The following ZDHHC14 variants were observed in gnomAD, a reference collection of about 807,000 sequenced individuals.
ZDHHC14 encodes the protein zDHHC palmitoyltransferase 14, also known as palmitoyltransferase ZDHHC14.
In ZDHHC14, 16 loss-of-function variants were observed where a neutral mutation model predicts 47.7. The observed-to-expected ratio is 0.34, with a 90% CI of 0.23 to 0.51. The LOEUF (loss-of-function observed/expected upper bound fraction) is 0.51. ZDHHC14 is among the 20% of genes least tolerant of loss of function. ZDHHC14 has a pLI of 0.97. For missense variants in ZDHHC14, 515 were observed against 662.5 expected, an observed-to-expected ratio of 0.78 and a Z score of 2.44; for synonymous variants, 293 against 278.9, an observed-to-expected ratio of 1.05 and a Z score of -0.50.
At chr6:157,643,056 C>T (rs1484645363) in intron 5 of ZDHHC14, among the ~76,000 whole-genome samples, 1 of 152,262 alleles carries the variant, frequency 6.6e-6, no homozygotes, top group South Asian at 2.1e-4. Context: ...AAGCAAATTA[C>T]TTCATTGCTT....
intron 8 of ZDHHC14, among the ~76,000 whole-genome samples, chr6:157,668,040 A>G (rs528274407): frequency 2.0e-5 from 3 of 152,278 alleles, no homozygotes; most frequent in South Asian, 2.1e-4. Flanking sequence ...GTGTGCCCCA[A>G]CTGAGATTTG....
intron 5 of ZDHHC14, among the ~76,000 whole-genome samples, chr6:157,634,270 T>C (rs150797191): frequency 6.6e-6 from 1 of 152,238 alleles, no homozygotes; most frequent in East Asian, 1.9e-4. Flanking sequence ...ATAAGGAAGA[T>C]GTACAAAGGG....
At chr6:157,532,220 C>G (rs1328805682) in intron 1 of ZDHHC14, among the ~76,000 whole-genome samples, 1 of 152,212 alleles carries the variant, frequency 6.6e-6, no homozygotes, top group African/African-American at 2.4e-5. Flanking sequence ...AGTGTGCAAT[C>G]TGAAACAAGG....
At chr6:157,406,189 T>C (rs927142242) in intron 1 of ZDHHC14, among the ~76,000 whole-genome samples, 8 of 152,008 alleles carry the variant, frequency 5.3e-5, no homozygotes, top group Non-Finnish European at 1.2e-4. Flanking sequence ...GAAGCTGCAG[T>C]TGGGGAGGGA....
chr6:157,414,821 C>CTTTT (rs71027333), intron 1 of ZDHHC14, among the ~76,000 whole-genome samples: 17 of 111,926 alleles, frequency 1.5e-4, no homozygotes, highest in African/African-American at 4.8e-4. Context: ...AGGTTTGCAG[C>CTTTT]TTTTTTTTTT....
chr6:157,583,340 T>C (rs989662423), intron 2 of ZDHHC14, among the ~76,000 whole-genome samples: 1 of 152,178 alleles, frequency 6.6e-6, no homozygotes, highest in African/African-American at 2.4e-5. Flanking sequence ...CTCATCTGTG[T>C]GGGCTGGTGG....
chr6:157,626,828 C>T (rs566438356), intron 3 of ZDHHC14, among the ~76,000 whole-genome samples: 1 of 151,864 alleles, frequency 6.6e-6, no homozygotes, highest in East Asian at 2.0e-4. Context: ...ACACCCGATA[C>T]ACCTGTGCAG....
intron 2 of ZDHHC14, among the ~76,000 whole-genome samples, chr6:157,545,469 GATC>G: frequency 6.6e-6 from 1 of 152,174 alleles, no homozygotes; most frequent in South Asian, 2.1e-4. Flanking sequence ...GAGGTCAGGA[GATC>G]GAGATCATCC....
At chr6:157,656,719 CAA>C (rs35815142) in intron 8 of ZDHHC14, among the ~76,000 whole-genome samples, 11 of 106,420 alleles carry the variant, frequency 1.0e-4, no homozygotes, top group African/African-American at 3.7e-4. Flanking sequence ...AAAAAAAAAA[CAA>C]AAAAAAAAAA....
chr6:157,522,767 T>C (rs1239826729), intron 1 of ZDHHC14, among the ~76,000 whole-genome samples: 1 of 51,874 alleles, frequency 1.9e-5, no homozygotes, highest in Non-Finnish European at 3.4e-5. Context: ...CTCCCTCCCT[T>C]CTTTCCTCCA....
At chr6:157,625,116 C>A (rs1035735212) in intron 3 of ZDHHC14, among the ~76,000 whole-genome samples, 2 of 152,170 alleles carry the variant, frequency 1.3e-5, no homozygotes, top group African/African-American at 4.8e-5. Context: ...CTTCAATGCC[C>A]CACCTCTCAA....
chr6:157,509,168 C>T (rs1225409043), intron 1 of ZDHHC14, among the ~76,000 whole-genome samples: 1 of 152,146 alleles, frequency 6.6e-6, no homozygotes, highest in Non-Finnish European at 1.5e-5. Flanking sequence ...TCCAACACCC[C>T]TCTACGCCCT....
chr6:157,533,963 G>A (rs1781454082), intron 1 of ZDHHC14, among the ~76,000 whole-genome samples: 1 of 152,172 alleles, frequency 6.6e-6, no homozygotes, highest in South Asian at 2.1e-4. Flanking sequence ...AAGATCCCTT[G>A]TGGTTAGGGA....
At chr6:157,400,992 TTC>T (rs1777624384) in intron 1 of ZDHHC14, among the ~76,000 whole-genome samples, 1 of 152,244 alleles carries the variant, frequency 6.6e-6, no homozygotes, top group Admixed American at 6.5e-5. Flanking sequence ...AAATCAGTCT[TTC>T]TAGCACTGCA....
At chr6:157,481,905 G>T (rs187293010) in intron 1 of ZDHHC14, among the ~76,000 whole-genome samples, 1 of 152,330 alleles carries the variant, frequency 6.6e-6, no homozygotes, top group African/African-American at 2.4e-5. Flanking sequence ...AACTAGAGGT[G>T]CATGGCTGGG....
At chr6:157,472,049 C>G (rs1779367244) in intron 1 of ZDHHC14, among the ~76,000 whole-genome samples, 1 of 152,136 alleles carries the variant, frequency 6.6e-6, no homozygotes, top group Non-Finnish European at 1.5e-5. Context: ...CCTGGCACCC[C>G]CTCTCCCCAC....
chr6:157,603,001 C>A (rs952050778), intron 3 of ZDHHC14, among the ~76,000 whole-genome samples: 2 of 152,316 alleles, frequency 1.3e-5, no homozygotes, highest in East Asian at 3.9e-4. Context: ...TCACTGAGCT[C>A]TCTGGAAAGT....
At chr6:157,444,461 T>C (rs1778620835) in intron 1 of ZDHHC14, among the ~76,000 whole-genome samples, 1 of 152,176 alleles carries the variant, frequency 6.6e-6, no homozygotes, top group African/African-American at 2.4e-5. Context: ...GTGGATCACC[T>C]GAGGTCAGGA....
intron 1 of ZDHHC14, among the ~76,000 whole-genome samples, chr6:157,490,071 G>C (rs1779876156): frequency 6.6e-6 from 1 of 152,140 alleles, no homozygotes; most frequent in South Asian, 2.1e-4. Flanking sequence ...GAAAGGGAGA[G>C]ATCAAGGGTG....
Sources: allele counts gnomAD v4.1 joint callset (sites outside exome capture counted in the v4.1 genomes callset), GRCh38; gene constraint gnomAD v4.1.1; transcripts MANE v1.5; gene names NCBI Gene and HGNC (gene_info 2026-07-23, HGNC 2026-07-21).